ZNF433: variants seen among roughly 807,000 people sequenced by gnomAD.
ZNF433 encodes zinc finger protein 433.
ZNF433 carries 12 observed loss-of-function variants against 10.6 expected under a neutral mutation model. That is an observed-to-expected ratio of 1.13 (90% CI 0.72 to 1.83). The LOEUF (loss-of-function observed/expected upper bound fraction) is 1.83, where lower values mean the gene tolerates loss of function less well. Among genes scored for constraint, ZNF433 ranks in the 40% most tolerant of loss-of-function variants. The pLI is 0.00. For missense variants in ZNF433, 737 were observed against 798.0 expected (o/e 0.92, Z 0.92); for synonymous variants, 272 against 271.3 (o/e 1.00, Z -0.02).
rs967869083 is a variant in ZNF433 at position 12,015,577 on chromosome 19, G to A, written c.1281C>T (p.Ala427=). The A allele has an allele frequency of 6.2e-7, 1 of 1,613,826 alleles. No homozygotes were observed. The highest frequency in any genetic ancestry group is 8.5e-7 in the Non-Finnish European group (1 of 1,179,956). Residue 427 remains alanine (A), a synonymous_variant, in exon 4 of 4, where the codon GCC becomes GCT. Transcript: ENST00000550507. ...KPYECKQCGK[A]FRSASLLQTH... ...TTTGAAGGAGTGAGGCAGATCTGAA[G>A]GCTTTCCCACATTGCTTACACTCGT...
rs1974213864 is a variant in ZNF433 at position 12,016,573 on chromosome 19, AGTT to A, written c.282_284del (p.Thr96del). ...TGCTTTCGCATGATTTTACTCCAGT[AGTT>A]GTTTTCTTCAGCATGTCATCTGGAA... On this transcript the variant is annotated inframe_deletion, in exon 4 of 4. Coordinates refer to ENST00000550507, the MANE Select transcript of ZNF433 (RefSeq NM_001308348.2). The A allele has an allele frequency of 6.2e-7, 1 of 1,614,140 alleles. No homozygotes were observed. The highest frequency in any genetic ancestry group is 8.5e-7 in the Non-Finnish European group (1 of 1,180,036).
At chr19:12,020,037 C>T (rs759682999) in intron 1 of ZNF433, among the ~76,000 whole-genome samples, 5 of 152,028 alleles carry the variant, frequency 3.3e-5, no homozygotes, top group African/African-American at 4.8e-5. Context: ...TTTGGGAGTC[C>T]GAGGTGGGCG....
intron 1 of ZNF433, among the ~76,000 whole-genome samples, chr19:12,028,817 G>A (rs574386716): frequency 6.6e-6 from 1 of 152,250 alleles, no homozygotes; most frequent in South Asian, 2.1e-4. Flanking sequence ...CTACCTTCCT[G>A]AGTAGATGAT....
At chr19:12,021,131 C>G (rs1974474965) in intron 1 of ZNF433, among the ~76,000 whole-genome samples, 1 of 151,836 alleles carries the variant, frequency 6.6e-6, no homozygotes, top group African/African-American at 2.4e-5. Flanking sequence ...AGGCACCCAC[C>G]ACTATACCCG....
chr19:12,019,259 A>C (rs1307058324), intron 1 of ZNF433, among the ~76,000 whole-genome samples: 3 of 151,600 alleles, frequency 2.0e-5, no homozygotes, highest in Non-Finnish European at 2.9e-5. Context: ...CGTCTCTACT[A>C]AAAATACAAA....
chr19:12,015,266 T>C lies in ZNF433; in HGVS notation c.1592A>G (p.Tyr531Cys), dbSNP rs1388670818. The C allele has an allele frequency of 6.2e-7, 1 of 1,614,066 alleles. No individual in the cohort carries two copies. The highest frequency in any genetic ancestry group is 8.5e-7 in the Non-Finnish European group (1 of 1,179,998). ...GGCTTTTCCACATTGCTTGCATTCA[T>C]AGGGTTTCTCTCCAGTGTGAGTCCT... ...HGRTHTGEKPYECKQCGKAFR... is the reference protein window; with the variant it reads ...HGRTHTGEKPCECKQCGKAFR... The change falls in exon 4 of 4, where the codon TAT becomes TGT. Residue 531 changes from tyrosine (Y) to cysteine (C), a missense_variant. By Grantham distance (194) the Tyr-to-Cys change is radical. Coordinates refer to ENST00000550507, the MANE Select transcript of ZNF433 (RefSeq NM_001308348.2).
At chr19:12,022,235 G>A (rs1280574672) in intron 1 of ZNF433, 14 of 323,670 alleles carry the variant, frequency 4.3e-5, no homozygotes, top group South Asian at 4.7e-5. Flanking sequence ...TTAAGGACGT[G>A]TTCCTGCTGC....
chr19:12,027,218 A>G (rs553273161), intron 1 of ZNF433: 4 of 394,402 alleles, frequency 1.0e-5, no homozygotes, highest in African/African-American at 6.3e-5. Context: ...GATTTCAATG[A>G]TGATTGTGCT....
At chr19:12,034,936 TTG>T (rs1396528273) in intron 1 of ZNF433, 1 of 454,244 alleles carries the variant, frequency 2.2e-6, no homozygotes, top group African/African-American at 2.0e-5. Context: ...CCTCCTGGGG[TTG>T]TGTTTTCCTC....
chr19:12,034,961 T>C lies in ZNF433; in HGVS notation c.3+576A>G, dbSNP rs1159920633. Reference sequence around the variant, plus strand: ...TTGTGTTTTCCTCAGCTGAGGCCTCTCCTATTCGGCTCTGAATAAACTTCT... The same window carrying C: ...TTGTGTTTTCCTCAGCTGAGGCCTCCCCTATTCGGCTCTGAATAAACTTCT... On this transcript the variant is annotated intron_variant, in intron 1 of 3. Transcript: ENST00000550507. The C allele has an allele frequency of 8.9e-6, 4 of 447,118 alleles. No individual in the cohort carries two copies. The Admixed American group carries it at 9.9e-5, about 11-fold the overall frequency. 27.7% of individuals were successfully genotyped at this position (447,118 alleles called of 1,614,324 possible).
At chr19:12,024,277 A>C (rs1275315352) in intron 1 of ZNF433, 1 of 152,210 alleles carries the variant, frequency 6.6e-6, no homozygotes, top group Admixed American at 6.5e-5. Context: ...TGTGGATTCC[A>C]AAAAATTGGC....
chr19:12,017,017 C>A (rs1377921399), intron 3 of ZNF433, among the ~76,000 whole-genome samples: 1 of 152,144 alleles, frequency 6.6e-6, no homozygotes, highest in Non-Finnish European at 1.5e-5. Flanking sequence ...GCTGGGATTA[C>A]AGGCATGAGC....
At chr19:12,035,266 A>G (rs1835337711) in intron 1 of ZNF433, among the ~76,000 whole-genome samples, 2 of 152,096 alleles carry the variant, frequency 1.3e-5, no homozygotes, top group Admixed American at 1.3e-4. Context: ...CAATGTGGGG[A>G]GACGCGGGGC....
rs1974133858 is a variant in ZNF433, at chr19:12,015,573, T to G, written c.1285A>C (p.Arg429=). The G allele has an allele frequency of 1.2e-6, 2 of 1,613,668 alleles. No homozygotes were observed. Among genetic ancestry groups the G allele is most frequent in the Non-Finnish European group, 1.7e-6 (2 of 1,179,868 alleles). The change falls in exon 4 of 4, where the codon AGA becomes CGA. Residue 429 remains arginine, a synonymous_variant. Coordinates refer to ENST00000550507, the MANE Select transcript of ZNF433 (RefSeq NM_001308348.2). ...YECKQCGKAF[R]SASLLQTHGR... ...TGTGTTTGAAGGAGTGAGGCAGATCTGAAGGCTTTCCCACATTGCTTACAC... is the reference window on the plus strand; with the variant it reads ...TGTGTTTGAAGGAGTGAGGCAGATCGGAAGGCTTTCCCACATTGCTTACAC...
At position 12,015,166 on chromosome 19, in the gene ZNF433, A is replaced by T. The variant is rs1461739623; in HGVS notation, c.1692T>A (p.Cys564Ter). ...TGEKPYECKQ[C>*]GKAFGSASHL... ...GTGAGGCAGATCCAAAGGCTTTCCC[A>T]CACTGCTTACATTCATAAGGTTTCT... Residue 564 changes from cysteine (C) to a stop codon, truncating the protein, a stop_gained, in exon 4 of 4, where the codon TGT (cysteine) becomes TGA (stop). Coordinates refer to ENST00000550507, the MANE Select transcript of ZNF433 (RefSeq NM_001308348.2). LOFTEE classifies it low-confidence loss of function (END_TRUNC). 1.2e-6 allele frequency: 2 copies of T among 1,613,890 alleles called. No individual in the cohort carries two copies. The highest frequency in any genetic ancestry group is 2.7e-5 in the African/African-American group (2 of 74,906).
At chr19:12,024,708 C>T (rs1436314627) in intron 1 of ZNF433, 1 of 152,206 alleles carries the variant, frequency 6.6e-6, no homozygotes, top group Non-Finnish European at 1.5e-5. Flanking sequence ...ATTTTTTCAA[C>T]TCAGCATTCA....
Position 12,018,287 on chromosome 19 carries a change from T to G in ZNF433, c.9A>C (p.Ser3=), listed in dbSNP as rs768537111. 1.2e-6 allele frequency: 2 copies of G among 1,613,350 alleles called. No individual in the cohort carries two copies. The highest frequency in any genetic ancestry group is 1.7e-6 in the Non-Finnish European group (2 of 1,179,752). MD[S]VAFEDVAVTF... ...TCACAGCCACATCCTCAAAGGCCAC[T>G]GAATCCTGAAACATCTCACATGTAT... Residue 3 remains serine, a synonymous_variant, in exon 2 of 4, where the codon TCA becomes TCC. Transcript: ENST00000550507.
intron 1 of ZNF433, among the ~76,000 whole-genome samples, chr19:12,031,043 C>CT (rs1734152255): frequency 6.6e-6 from 1 of 151,722 alleles, no homozygotes; most frequent in Non-Finnish European, 1.5e-5. Flanking sequence ...CACGCCTGTA[C>CT]TCCCAGCACT....
Position 12,015,795 on chromosome 19 carries a change from C to T in ZNF433, c.1063G>A (p.Gly355Arg), listed in dbSNP as rs1475433863. Residue 355 changes from glycine to arginine, a missense_variant, in exon 4 of 4, where the codon GGA (glycine) becomes AGA (arginine). By Grantham distance (125) the Gly-to-Arg change is moderately radical (BLOSUM62 -2). Transcript: ENST00000550507. ...TGAGATATCTCTCCAGTGTGCATTC[C>T]CAAGTGGTTTTGAAAGCTGGTAAGA... Reference protein sequence around the residue: ...SYLTSFQNHLGMHTGEISHKC... With the variant: ...SYLTSFQNHLRMHTGEISHKC... 6.2e-7 allele frequency: 1 copy of T among 1,613,520 alleles called. No homozygotes were observed. Among genetic ancestry groups the T allele is most frequent in the Non-Finnish European group, 8.5e-7 (1 of 1,179,952 alleles).
Sources: allele counts gnomAD v4.1 joint callset (sites outside exome capture counted in the v4.1 genomes callset), GRCh38; gene constraint gnomAD v4.1.1; transcripts MANE v1.5; gene names NCBI Gene and HGNC (gene_info 2026-07-23, HGNC 2026-07-21).